Variants in SORL1 observed in about 807,000 individuals in gnomAD.
SORL1 encodes sortilin-related receptor.
SORL1 carries 127 observed loss-of-function variants against 273.7 expected under a neutral mutation model. That is an observed-to-expected ratio of 0.46 (90% CI 0.40 to 0.54). The LOEUF (loss-of-function observed/expected upper bound fraction) is 0.54, where lower values mean the gene tolerates loss of function less well. SORL1 is among the 20% of genes least tolerant of loss of function. The probability of loss-of-function intolerance (pLI) is 0.00; values close to 1 mark genes in which losing one functional copy is unlikely to be tolerated. For missense variants in SORL1, 2,494 were observed against 2,846.1 expected (o/e 0.88, Z 2.81); for synonymous variants, 1,031 against 1,067.4 (o/e 0.97, Z 0.66).
At chr11:121,629,447 A>G (rs1449418471) in intron 47 of SORL1, 49 bp from the exon 48 acceptor site, 1 of 913,040 alleles carries the variant, frequency 1.1e-6, no homozygotes, top group Non-Finnish European at 1.9e-6. Flanking sequence ...ATATGGGGTC[A>G]GGTGAAAATG....
intron 1 of SORL1, among the ~76,000 whole-genome samples, chr11:121,466,733 C>T (rs1026188651): frequency 2.0e-5 from 3 of 152,094 alleles, no homozygotes; most frequent in Admixed American, 2.0e-4. Context: ...GGCACCCGGG[C>T]TGCCTTGGGG....
In SORL1 at chr11:121,627,756, G is replaced by T. The variant is rs778654866; in HGVS notation, c.6566G>T (p.Gly2189Val). The T allele has an allele frequency of 6.2e-7, 1 of 1,613,036 alleles. No individual in the cohort carries two copies. Among genetic ancestry groups the T allele is most frequent in the Admixed American group, 1.7e-5 (1 of 60,006 alleles). ...SRLGSAIFSS[G>V]DDLGEDDEDA... ...CTGGGGTCCGCAATCTTCTCCTCTG[G>T]GGATGACCTGGGTAAGTGGGGCAGG... Residue 2189 changes from glycine (G) to valine (V), a missense_variant, in exon 47 of 48, where the codon GGG (glycine) becomes GTG (valine). Physicochemically the swap from Gly to Val is moderately radical, Grantham distance 109. Coordinates refer to ENST00000260197, the MANE Select transcript of SORL1 (RefSeq NM_003105.6). The surrounding 1 kb of genome is among the most constrained non-coding windows in gnomAD (Gnocchi z 4.9).
chr11:121,455,947 C>T (rs1591541097), intron 1 of SORL1, among the ~76,000 whole-genome samples: 5 of 150,510 alleles, frequency 3.3e-5, no homozygotes, highest in Non-Finnish European at 1.5e-5. Context: ...GAGCCGAGAT[C>T]GCGCCATTGC....
At chr11:121,490,618 TA>T (rs1476903879) in intron 5 of SORL1, among the ~76,000 whole-genome samples, 8 of 150,918 alleles carry the variant, frequency 5.3e-5, no homozygotes, top group African/African-American at 1.5e-4. Flanking sequence ...TATGTGCCTA[TA>T]AATCCCAGCT....
intron 4 of SORL1, among the ~76,000 whole-genome samples, chr11:121,489,274 C>G: frequency 6.6e-6 from 1 of 152,140 alleles, no homozygotes; most frequent in East Asian, 1.9e-4. Context: ...TTTAAGCATG[C>G]AGTGTAGTGA....
chr11:121,558,621 G>A lies in SORL1; in HGVS notation c.2694G>A (p.Leu898=), dbSNP rs1207416343. ...GVMFWTDWGD[L]KPGIYRSNMD... is the part of the protein sequence containing the mutation. ...TGTTCTGGACAGACTGGGGAGACCT[G>A]AAGCCTGGGATTTATCGGAGCAATA... The change falls in exon 20 of 48, where the codon CTG becomes CTA. Residue 898 remains leucine (L), a synonymous_variant. Transcript: ENST00000260197. 1 of 1,614,028 alleles carries A rather than the reference G, an allele frequency of 6.2e-7. No individual in the cohort carries two copies. Among genetic ancestry groups the A allele is most frequent in the Non-Finnish European group, 8.5e-7 (1 of 1,180,030 alleles).
At chr11:121,612,673 CT>C in intron 39 of SORL1, 62 bp from the exon 40 acceptor site, 1 of 1,190,748 alleles carries the variant, frequency 8.4e-7, no homozygotes, top group Non-Finnish European at 1.3e-6. Flanking sequence ...TTAATCCTGC[CT>C]TTTGTATTTA....
chr11:121,551,290 T>C (rs934099418), intron 16 of SORL1, among the ~76,000 whole-genome samples: 4 of 152,250 alleles, frequency 2.6e-5, no homozygotes, highest in African/African-American at 4.8e-5. Context: ...ATGCTCTTCA[T>C]TGGACATTGC....
chr11:121,516,099 T>C (rs1861946186), intron 8 of SORL1, among the ~76,000 whole-genome samples: 1 of 152,234 alleles, frequency 6.6e-6, no homozygotes, highest in Non-Finnish European at 1.5e-5. Flanking sequence ...TAAATAATTA[T>C]AAGTGAGCAC....
chr11:121,547,417 C>CAAAAAAAAAAAAAAAAAAAAAAAAAA (rs67390938), intron 14 of SORL1, among the ~76,000 whole-genome samples: 3 of 24,034 alleles, frequency 1.2e-4, no homozygotes, highest in African/African-American at 4.9e-4. Flanking sequence ...CAACCCTCAC[C>CAAAAAAAAAAAAAAAAAAAAAAAAAA]AAAAAAAAAA....
At chr11:121,478,663 C>G (rs4936633) in intron 3 of SORL1, among the ~76,000 whole-genome samples, 6,124 of 151,936 alleles carry the variant, frequency 0.04, 353 homozygotes, top group East Asian at 0.18. Flanking sequence ...CATGTACGTG[C>G]TTGTGTGCGT....
intron 44 of SORL1, among the ~76,000 whole-genome samples, chr11:121,621,824 C>G (rs1863727728): frequency 1.3e-5 from 2 of 152,214 alleles, no homozygotes; most frequent in African/African-American, 4.8e-5. Flanking sequence ...CATTGTCACT[C>G]CAGTGTCCTG....
At position 121,454,928 on chromosome 11, in the gene SORL1, G is replaced by A. The variant is rs531357508; in HGVS notation, c.285+2312G>A. Among the ~76,000 whole-genome samples, 10 of 152,222 alleles carry A rather than the reference G, an allele frequency of 6.6e-5. No individual in the cohort carries two copies. The South Asian group carries it at 2.1e-3, about 32-fold the overall frequency. On this transcript the variant is annotated intron_variant, in intron 1 of 47. Coordinates refer to ENST00000260197, the MANE Select transcript of SORL1 (RefSeq NM_003105.6). ...AAGTTGTCTCTGGTGGTTATGAATA[G>A]CACCCCCTTCACTCTCAAAAGTGTC...
chr11:121,567,094 C>G lies in SORL1; in HGVS notation c.3204C>G (p.Asn1068Lys), dbSNP rs774804258. Residue 1068 changes from asparagine to lysine, a missense_variant, in exon 22 of 48, where the codon AAC becomes AAG. Physicochemically the swap from Asn to Lys is moderately conservative, Grantham distance 94. Around this residue, in one of 3 missense-constraint regions of SORL1, gnomAD observed 1,609 missense variants for 1,816.4 expected, o/e 0.89. Transcript: ENST00000260197. ...CDCPQGYQLK[N>K]NTCVKQENTC... ...GCCCTCAGGGCTATCAGCTCAAGAA[C>G]AATACCTGTGTCAAACAAGGTACTT... is the stretch of plus-strand genomic sequence containing the variant. The G allele has an allele frequency of 3.1e-6, 5 of 1,613,274 alleles. No individual in the cohort carries two copies. The highest frequency in any genetic ancestry group is 1.7e-5 in the Admixed American group (1 of 59,816).
chr11:121,521,180 C>T (rs1455374687), intron 9 of SORL1, among the ~76,000 whole-genome samples: 2 of 152,086 alleles, frequency 1.3e-5, no homozygotes, highest in Non-Finnish European at 2.9e-5. Context: ...TGGACACTCC[C>T]CTATATAATG....
At chr11:121,504,407 G>A (rs1861758021) in intron 6 of SORL1, among the ~76,000 whole-genome samples, 1 of 151,540 alleles carries the variant, frequency 6.6e-6, no homozygotes, top group Admixed American at 6.6e-5. Context: ...GCGAGACTCT[G>A]TCTCAAAAAA....
chr11:121,606,320 G>C (rs1462514270), intron 35 of SORL1, among the ~76,000 whole-genome samples: 16 of 152,204 alleles, frequency 1.1e-4, no homozygotes. Flanking sequence ...GCAACTGTCT[G>C]CTTGAATGTC....
At chr11:121,507,130 A>G (rs1434311737) in intron 6 of SORL1, among the ~76,000 whole-genome samples, 1 of 152,130 alleles carries the variant, frequency 6.6e-6, no homozygotes, top group Non-Finnish European at 1.5e-5. Context: ...TTTCATCTTT[A>G]TACTCTTTAA....
intron 35 of SORL1, 104 bp downstream of exon 35, chr11:121,605,675 C>A (rs1257712020): frequency 2.2e-6 from 2 of 901,322 alleles, no homozygotes; most frequent in Non-Finnish European, 3.5e-6. Flanking sequence ...ATGTGTGCCT[C>A]ACATGTACAG....
Sources: allele counts gnomAD v4.1 joint callset (sites outside exome capture counted in the v4.1 genomes callset), GRCh38; gene constraint gnomAD v4.1.1; regional missense constraint gnomAD v4.1.1; non-coding constraint Gnocchi (gnomAD v3.1); transcripts MANE v1.5; gene names NCBI Gene and HGNC (gene_info 2026-07-23, HGNC 2026-07-21).